Variants in SPATA31H1 observed in about 807,000 individuals in gnomAD.
The protein encoded by SPATA31H1 is SPATA31 subfamily H member 1, also known as spermatogenesis-associated protein 31H1.
the SPATA31H1 span, chr2:27,565,528 A>G: frequency 3.0e-6 from 2 of 663,230 alleles, no homozygotes; most frequent in Non-Finnish European, 5.5e-6. Context: ...TCTTTCTAGC[A>G]TCTCCATGTC....
chr2:27,581,335 G>C, the SPATA31H1 span: 1 of 1,613,944 alleles, frequency 6.2e-7, no homozygotes, highest in Non-Finnish European at 8.5e-7. Flanking sequence ...CCCTCTCAGA[G>C]GAGCCACTGC....
chr2:27,581,282 T>G, the SPATA31H1 span: 2 of 1,613,010 alleles, frequency 1.2e-6, no homozygotes, highest in African/African-American at 2.7e-5. Context: ...GCAGTCCCTC[T>G]GAGAGAAGCC....
chr2:27,545,022 CA>C, the SPATA31H1 span, among the ~76,000 whole-genome samples: 10 of 110,792 alleles, frequency 9.0e-5, no homozygotes, highest in East Asian at 7.9e-4. Context: ...TTCAAAAAGT[CA>C]AATTTTTTTT....
At chr2:27,541,081 C>A in the SPATA31H1 span, among the ~76,000 whole-genome samples, 2 of 143,598 alleles carry the variant, frequency 1.4e-5, no homozygotes, top group African/African-American at 5.3e-5. Context: ...CACGCCACTG[C>A]ACTCCAGCCT....
the SPATA31H1 span, chr2:27,580,796 C>G: frequency 1.9e-6 from 3 of 1,614,082 alleles, no homozygotes; most frequent in African/African-American, 4.0e-5. Flanking sequence ...TCAAAAGAGA[C>G]AAGAGGTCAG....
At chr2:27,553,647 C>T in the SPATA31H1 span, among the ~76,000 whole-genome samples, 1 of 152,116 alleles carries the variant, frequency 6.6e-6, no homozygotes, top group Non-Finnish European at 1.5e-5. Context: ...GCTGGCCGGG[C>T]ATGGTGGCTT....
At chr2:27,556,851 C>T in the SPATA31H1 span, among the ~76,000 whole-genome samples, 4 of 107,906 alleles carry the variant, frequency 3.7e-5, no homozygotes, top group African/African-American at 1.1e-4. Flanking sequence ...GAGGACCCTG[C>T]GGCCTTGGCC....
At chr2:27,582,167 T>C in the SPATA31H1 span, 2 of 1,613,860 alleles carry the variant, frequency 1.2e-6, no homozygotes, top group East Asian at 4.5e-5. Context: ...GCAGTCCCTC[T>C]GAGAGGAGAG....
the SPATA31H1 span, chr2:27,581,442 AGTCTCTCTGAAAG>A: frequency 6.2e-7 from 1 of 1,614,110 alleles, no homozygotes; most frequent in Non-Finnish European, 8.5e-7. Context: ...GAGCTGTCAC[AGTCTCTCTGAAAG>A]GGGCCTTCAC....
chr2:27,576,683 C>T, the SPATA31H1 span: 7 of 1,614,012 alleles, frequency 4.3e-6, no homozygotes, highest in Non-Finnish European at 5.9e-6. Context: ...CTAGGAAGTT[C>T]CCATCAGGAC....
chr2:27,566,866 AC>A, the SPATA31H1 span: 24 of 717,624 alleles, frequency 3.3e-5, no homozygotes, highest in Non-Finnish European at 4.4e-5. Context: ...TCTACTGACC[AC>A]AGCATCTCCT....
At chr2:27,551,990 A>G in the SPATA31H1 span, among the ~76,000 whole-genome samples, 5 of 151,702 alleles carry the variant, frequency 3.3e-5, no homozygotes, top group Admixed American at 2.0e-4. Flanking sequence ...TAATTTTTGT[A>G]TTTTTAGTAG....
chr2:27,562,614 C>T, the SPATA31H1 span, among the ~76,000 whole-genome samples: 3 of 150,156 alleles, frequency 2.0e-5, no homozygotes, highest in South Asian at 2.1e-4. Flanking sequence ...TGGCTGGGTG[C>T]GGTGGCTCAC....
the SPATA31H1 span, chr2:27,573,132 T>C: frequency 1.3e-5 from 5 of 397,736 alleles, no homozygotes; most frequent in South Asian, 6.4e-4. Context: ...AGGTGTAAAA[T>C]CATCTGAATT....
At chr2:27,539,511 T>C in the SPATA31H1 span, among the ~76,000 whole-genome samples, 1 of 120,904 alleles carries the variant, frequency 8.3e-6, no homozygotes, top group African/African-American at 3.4e-5. Context: ...CTCCCATGTC[T>C]ACTTCTATCC....
chr2:27,540,993 T>C, the SPATA31H1 span, among the ~76,000 whole-genome samples: 9 of 136,564 alleles, frequency 6.6e-5, no homozygotes, highest in African/African-American at 8.5e-5. Context: ...GGGTGGCGGC[T>C]GGGCAGAGGC....
the SPATA31H1 span, chr2:27,571,729 C>T: frequency 5.0e-6 from 2 of 398,336 alleles, no homozygotes; most frequent in Non-Finnish European, 8.9e-6. Flanking sequence ...GAGATTACTC[C>T]ATGTTTAAAG....
chr2:27,574,998 G>A, the SPATA31H1 span: 1 of 398,390 alleles, frequency 2.5e-6, no homozygotes, highest in South Asian at 1.3e-4. Flanking sequence ...AGGTACAAAG[G>A]TACAGGATAG....
At chr2:27,562,613 G>A in the SPATA31H1 span, among the ~76,000 whole-genome samples, 2 of 150,532 alleles carry the variant, frequency 1.3e-5, no homozygotes, top group African/African-American at 4.9e-5. Flanking sequence ...TTGGCTGGGT[G>A]CGGTGGCTCA....
Sources: gnomAD v4.1 joint callset for allele counts (sites outside exome capture counted in the v4.1 genomes callset) on GRCh38, gnomAD v4.1.1 for gene constraint, MANE v1.5 for transcripts, NCBI Gene and HGNC (gene_info 2026-07-23, HGNC 2026-07-21) for gene names.